SAMSN1: variants seen among roughly 807,000 people sequenced by gnomAD.
SAMSN1 encodes SAM domain-containing protein SAMSN-1.
SAMSN1 carries 31 observed loss-of-function variants against 42.0 expected under a neutral mutation model. That is an observed-to-expected ratio of 0.74 (90% CI 0.55 to 1.00). The LOEUF is 1.00. SAMSN1 is among the 50% of genes least tolerant of loss of function. SAMSN1 has a pLI of 0.00. For synonymous variants in SAMSN1, 178 were observed against 151.9 expected (o/e 1.17, Z -1.26); for missense variants, 464 against 439.4 (o/e 1.06, Z -0.50).
chr21:14,543,325 GAAAT>G (rs1389899972), intron 1 of SAMSN1, among the ~76,000 whole-genome samples: 3 of 152,098 alleles, frequency 2.0e-5, no homozygotes, highest in South Asian at 2.1e-4. Flanking sequence ...GAGAAAGAGA[GAAAT>G]AAAGGATGAA....
intron 6 of SAMSN1, among the ~76,000 whole-genome samples, chr21:14,499,709 C>T: frequency 6.6e-6 from 1 of 151,940 alleles, no homozygotes; most frequent in Admixed American, 6.6e-5. Flanking sequence ...AGATGCTAAC[C>T]CGTACATTCT....
At position 14,530,416 on chromosome 21, in the gene SAMSN1, G is replaced by A. The variant is rs1409245176; in HGVS notation, c.58-9195C>T. Among the ~76,000 whole-genome samples the A allele has an allele frequency of 1.3e-5, 2 of 151,868 alleles. 1 individual carries two copies. The highest frequency in any genetic ancestry group is 4.2e-4 in the South Asian group (2 of 4,810). ...AGAAAGGTAGTGGAACATATGCTAT[G>A]TATAAGATGGATCACTGGATGATAA... On this transcript the variant is annotated intron_variant, in intron 1 of 7. Transcript: ENST00000400566.
At chr21:14,542,787 A>G (rs769989044) in intron 1 of SAMSN1, among the ~76,000 whole-genome samples, 6 of 152,102 alleles carry the variant, frequency 3.9e-5, no homozygotes, top group Non-Finnish European at 7.4e-5. Flanking sequence ...TCTATAAAAA[A>G]TTAAAAATTA....
chr21:14,565,568 T>A (rs1410139675), intron 2 of SAMSN1, among the ~76,000 whole-genome samples: 1 of 152,132 alleles, frequency 6.6e-6, no homozygotes, highest in South Asian at 2.1e-4. Context: ...TTGGCCTCCA[T>A]CTATATACCA....
At chr21:14,569,991 C>CT (rs1432348149) in intron 2 of SAMSN1, among the ~76,000 whole-genome samples, 5 of 151,876 alleles carry the variant, frequency 3.3e-5, no homozygotes, top group African/African-American at 9.7e-5. Flanking sequence ...CTTTCCCCCC[C>CT]CCCAGTTTTT....
chr21:14,518,426 C>T (rs745432728), intron 2 of SAMSN1, among the ~76,000 whole-genome samples: 3 of 148,234 alleles, frequency 2.0e-5, no homozygotes, highest in Non-Finnish European at 3.0e-5. Context: ...AATGAAACTT[C>T]TCATGTAGAA....
In SAMSN1 at chr21:14,500,726, T is replaced by C. The variant is rs781356616; in HGVS notation, c.571A>G (p.Ile191Val). 6.2e-7 allele frequency: 1 copy of C among 1,613,142 alleles called. No homozygotes were observed. The highest frequency in any genetic ancestry group is 8.5e-7 in the Non-Finnish European group (1 of 1,179,114). Residue 191 changes from isoleucine to valine, a missense_variant, in exon 6 of 8, where the codon ATC (isoleucine) becomes GTC (valine). Physicochemically the swap from Ile to Val is conservative, Grantham distance 29. Coordinates refer to ENST00000400566, the MANE Select transcript of SAMSN1 (RefSeq NM_022136.5). ...GGTGTTTTGCAAATAATGTCTATGA[T>C]GTCTCCTTTCTAAGGGCAAAGAAAT... Reference protein sequence around the residue: ...TDSLKIKKGDIIDIICKTPMG... With the variant: ...TDSLKIKKGDVIDIICKTPMG...
At chr21:14,620,377 C>T (rs1982971250) in intron 2 of SAMSN1, among the ~76,000 whole-genome samples, 1 of 152,170 alleles carries the variant, frequency 6.6e-6, no homozygotes, top group Admixed American at 6.5e-5. Flanking sequence ...CTCCTACTCT[C>T]TCCTGCCACC....
chr21:14,577,618 C>A (rs1457362260), intron 2 of SAMSN1, among the ~76,000 whole-genome samples: 1 of 152,008 alleles, frequency 6.6e-6, no homozygotes, highest in Non-Finnish European at 1.5e-5. Context: ...ATGTGCCATG[C>A]TCTTAGCTTA....
intron 6 of SAMSN1, among the ~76,000 whole-genome samples, chr21:14,597,368 T>A (rs10222179): frequency 0.017 from 2,578 of 152,292 alleles, 69 homozygotes; most frequent in African/African-American, 0.056. Context: ...GTTTTAATTC[T>A]GTACATAGCC....
At chr21:14,491,939 A>T (rs754988937) in intron 7 of SAMSN1, among the ~76,000 whole-genome samples, 1 of 152,212 alleles carries the variant, frequency 6.6e-6, no homozygotes, top group East Asian at 1.9e-4. Flanking sequence ...ATTTGCTTTC[A>T]CATTTAACAT....
chr21:14,618,005 G>GGAAGCTA (rs1982888669), intron 2 of SAMSN1, among the ~76,000 whole-genome samples: 1 of 152,154 alleles, frequency 6.6e-6, no homozygotes. Flanking sequence ...ATTAGCTTCC[G>GGAAGCTA]GTTTGAAGTT....
chr21:14,583,531 A>G, upstream of SAMSN1: 1 of 592,876 alleles, frequency 1.7e-6, no homozygotes, highest in Non-Finnish European at 3.0e-6. Flanking sequence ...TTGGCAATAA[A>G]AAAAAATCCT....
intron 5 of SAMSN1, among the ~76,000 whole-genome samples, chr21:14,504,612 T>A (rs1484110452): frequency 6.6e-6 from 1 of 152,136 alleles, no homozygotes; most frequent in Non-Finnish European, 1.5e-5. Context: ...TTATATTAAA[T>A]GACCAAACAT....
upstream of SAMSN1, chr21:14,546,459 C>A: frequency 1.3e-6 from 1 of 746,930 alleles, no homozygotes; most frequent in Non-Finnish European, 1.9e-6. Context: ...TTTGGTAACT[C>A]TTTATTGTCT....
At chr21:14,518,520 G>A (rs1185990071) in intron 2 of SAMSN1, among the ~76,000 whole-genome samples, 1 of 152,118 alleles carries the variant, frequency 6.6e-6, no homozygotes, top group Non-Finnish European at 1.5e-5. Context: ...GAAACTTGAA[G>A]GACATCTAGT....
chr21:14,564,884 C>T (rs1452003661), intron 2 of SAMSN1, among the ~76,000 whole-genome samples: 1 of 152,088 alleles, frequency 6.6e-6, no homozygotes, highest in African/African-American at 2.4e-5. Flanking sequence ...AAAGTTATAG[C>T]ATGCATAATT....
intron 4 of SAMSN1, chr21:14,612,784 CA>C: frequency 7.5e-6 from 5 of 667,308 alleles, no homozygotes; most frequent in Non-Finnish European, 1.4e-5. Flanking sequence ...TTTCATTAAT[CA>C]GTTTTGTTGC....
intron 2 of SAMSN1, among the ~76,000 whole-genome samples, chr21:14,620,602 A>C (rs1351853390): frequency 1.3e-5 from 2 of 152,162 alleles, no homozygotes; most frequent in Admixed American, 1.3e-4. Context: ...TGTACCCCTC[A>C]TTGTTTTAGA....
Sources: allele counts gnomAD v4.1 joint callset (sites outside exome capture counted in the v4.1 genomes callset), GRCh38; gene constraint gnomAD v4.1.1; transcripts MANE v1.5; gene names NCBI Gene and HGNC (gene_info 2026-07-23, HGNC 2026-07-21).